Variants in NSD1 observed in about 807,000 individuals in gnomAD.
NSD1 encodes nuclear receptor binding SET domain protein 1, also known as histone-lysine N-methyltransferase, H3 lysine-36 specific.
Under a neutral mutation model 242.7 loss-of-function variants are expected in NSD1, and 26 were observed. The ratio of observed to expected loss-of-function variants is 0.11; its 90% CI spans 0.08 to 0.15. NSD1 has a LOEUF of 0.15. Ranked by LOEUF, NSD1 falls within the 10% of genes least tolerant of loss-of-function variation. The pLI, the probability that NSD1 is intolerant of heterozygous loss-of-function variation, is 1.00. For synonymous variants in NSD1, 1,106 were observed against 1,178.1 expected, an observed-to-expected ratio of 0.94 and a Z score of 1.25; for missense variants, 2,495 against 3,272.8, an observed-to-expected ratio of 0.76 and a Z score of 5.80.
At chr5:177,205,904 G>A (rs1390180018) in intron 4 of NSD1, among the ~76,000 whole-genome samples, 1 of 152,056 alleles carries the variant, frequency 6.6e-6, no homozygotes, top group Non-Finnish European at 1.5e-5. Context: ...TTTTACTGCA[G>A]CTATGACCTC....
chr5:177,294,414 C>G lies in NSD1; in HGVS notation c.7046C>G (p.Pro2349Arg), dbSNP rs779466806. The change falls in exon 23 of 23, where the codon CCA becomes CGA. Residue 2349 changes from proline to arginine, a missense_variant. Pro to Arg is a moderately radical substitution (Grantham distance 103). This residue lies in a region of NSD1 where 475 missense variants were observed against 563.7 expected (regional missense o/e 0.84). Transcript: ENST00000439151. ...TCCTCACCCTCAGTCAGGTCCCAAC[C>G]ACTGGAAAGACCTCTGGGGACGGCT... ...PSSSPSVRSQ[P>R]LERPLGTADP... 6.2e-6 allele frequency: 10 copies of G among 1,614,052 alleles called. No homozygotes were observed. The African/African-American group carries it at 1.2e-4, about 19-fold the overall frequency.
chr5:177,179,220 TTTTG>T (rs1330107919), intron 2 of NSD1, among the ~76,000 whole-genome samples: 1 of 152,096 alleles, frequency 6.6e-6, no homozygotes, highest in Non-Finnish European at 1.5e-5. Context: ...TTTTTGTTTG[TTTTG>T]TTTTTTTTGA....
At position 177,179,943 on chromosome 5, in the gene NSD1, C is replaced by G. The variant is rs1489703980; in HGVS notation, c.928-11941C>G. ...TTTTTTTGAGACTTGCCCTGTCGCT[C>G]AGGCTGGGGTGCAGTGGTGTGGTCT... is the stretch of plus-strand genomic sequence containing the variant. On this transcript the variant is annotated intron_variant, in intron 2 of 22. Transcript: ENST00000439151. Among the ~76,000 whole-genome samples the G allele has an allele frequency of 2.6e-5, 4 of 152,048 alleles. No individual in the cohort carries two copies. In the East Asian group the frequency reaches 7.7e-4, roughly 29 times the overall value.
intron 2 of NSD1, among the ~76,000 whole-genome samples, chr5:177,145,451 G>GA (rs1486799964): frequency 6.6e-6 from 1 of 151,980 alleles, no homozygotes; most frequent in Non-Finnish European, 1.5e-5. Context: ...GCTAATTAAA[G>GA]AAAAAATTAT....
chr5:177,158,250 T>TTTCC (rs1758309037), intron 2 of NSD1, among the ~76,000 whole-genome samples: 3 of 86,694 alleles, frequency 3.5e-5, no homozygotes, highest in African/African-American at 6.4e-5. Context: ...TCTTTCTTTC[T>TTTCC]TTCTTTCTTT....
intron 22 of NSD1, among the ~76,000 whole-genome samples, chr5:177,293,412 A>G (rs1467647311): frequency 6.6e-6 from 1 of 152,142 alleles, no homozygotes; most frequent in Non-Finnish European, 1.5e-5. Flanking sequence ...AATCTAAATC[A>G]CCAGGATATT....
chr5:177,270,820 T>G (rs1048820316), intron 16 of NSD1, among the ~76,000 whole-genome samples: 2 of 152,226 alleles, frequency 1.3e-5, no homozygotes, highest in Non-Finnish European at 2.9e-5. Flanking sequence ...TGCCACATGT[T>G]ATTTTAGTAG....
At chr5:177,148,678 G>A (rs1195812388) in intron 2 of NSD1, among the ~76,000 whole-genome samples, 16 of 151,764 alleles carry the variant, frequency 1.1e-4, no homozygotes, top group African/African-American at 3.1e-4. Context: ...CACCCACCTC[G>A]GCCTCCCGAA....
At chr5:177,144,646 A>G (rs958511775) in intron 2 of NSD1, among the ~76,000 whole-genome samples, 46 of 152,250 alleles carry the variant, frequency 3.0e-4, no homozygotes, top group African/African-American at 1.1e-3. Flanking sequence ...CCTGGTTTTC[A>G]GGGGAGCCCA....
rs746869945 is a variant in NSD1, at chr5:177,211,189, T to G, written c.2790T>G (p.Ala930=). 7 of 1,613,958 alleles carry G rather than the reference T, an allele frequency of 4.3e-6. No individual in the cohort carries two copies. The highest frequency in any genetic ancestry group is 5.9e-6 in the Non-Finnish European group (7 of 1,179,928). ...CGAAGGAGCAGCGGTTGATGACTGC[T>G]CAAAACCTGGTCTCTTACCGGAGTC... ...SKTKEQRLMT[A]QNLVSYRSPG... Residue 930 remains alanine, a synonymous_variant, in exon 5 of 23, where the codon GCT becomes GCG. Transcript: ENST00000439151.
intron 2 of NSD1, among the ~76,000 whole-genome samples, chr5:177,185,485 C>T (rs1012318388): frequency 6.6e-6 from 1 of 150,852 alleles, no homozygotes; most frequent in African/African-American, 2.4e-5. Flanking sequence ...GTAATCCCAG[C>T]TACTCGGGAG....
At chr5:177,246,865 C>G in intron 10 of NSD1, 69 bp downstream of exon 10, 1 of 1,100,726 alleles carries the variant, frequency 9.1e-7, no homozygotes, top group Non-Finnish European at 1.4e-6. Context: ...GGCCACATCC[C>G]TCTTTCCCTT....
intron 12 of NSD1, among the ~76,000 whole-genome samples, chr5:177,252,080 A>C (rs1374361536): frequency 6.6e-6 from 1 of 152,222 alleles, no homozygotes; most frequent in East Asian, 1.9e-4. Context: ...TTTAGAATGT[A>C]ATGTAAGCAA....
chr5:177,244,144 G>C (rs377291915), intron 8 of NSD1, 51 bp from the exon 9 acceptor site: 1 of 1,297,068 alleles, frequency 7.7e-7, no homozygotes, highest in Non-Finnish European at 1.1e-6. Context: ...TAAAGTAAAG[G>C]GTTTATTTTT....
intron 2 of NSD1, among the ~76,000 whole-genome samples, chr5:177,188,820 G>T (rs1411633346): frequency 6.6e-6 from 1 of 151,822 alleles, no homozygotes; most frequent in Non-Finnish European, 1.5e-5. Context: ...CAGATCTCTT[G>T]GTGGATATTA....
chr5:177,158,637 CG>C (rs1180863702), intron 2 of NSD1, among the ~76,000 whole-genome samples: 1 of 151,838 alleles, frequency 6.6e-6, no homozygotes, highest in Non-Finnish European at 1.5e-5. Flanking sequence ...TGCATCCGGG[CG>C]TGGGTTCTAA....
intron 17 of NSD1, among the ~76,000 whole-genome samples, chr5:177,275,265 T>C (rs1030115323): frequency 3.9e-5 from 6 of 152,064 alleles, no homozygotes; most frequent in African/African-American, 1.4e-4. Flanking sequence ...CTCCAGTGTT[T>C]TATACTTGCT....
chr5:177,153,630 G>C (rs1468269631), intron 2 of NSD1, among the ~76,000 whole-genome samples: 1 of 151,858 alleles, frequency 6.6e-6, no homozygotes, highest in African/African-American at 2.4e-5. Flanking sequence ...TTCTGTAGTT[G>C]TATAGTCAAA....
intron 2 of NSD1, among the ~76,000 whole-genome samples, chr5:177,145,344 T>G (rs1252550979): frequency 6.6e-6 from 1 of 150,966 alleles, no homozygotes; most frequent in African/African-American, 2.4e-5. Context: ...AGTAGTATGA[T>G]CACAACTCAC....
Sources: allele counts gnomAD v4.1 joint callset (sites outside exome capture counted in the v4.1 genomes callset), GRCh38; gene constraint gnomAD v4.1.1; regional missense constraint gnomAD v4.1.1; transcripts MANE v1.5; gene names NCBI Gene and HGNC (gene_info 2026-07-23, HGNC 2026-07-21).